The following TMEM38B variants were observed in gnomAD, a reference collection of about 807,000 sequenced individuals.
TMEM38B encodes transmembrane protein 38B, also known as trimeric intracellular cation channel type B.
TMEM38B carries 24 observed loss-of-function variants against 28.7 expected under a neutral mutation model. That is an observed-to-expected ratio of 0.84 (90% CI 0.61 to 1.18). The LOEUF is 1.18. Among genes scored for constraint, TMEM38B ranks in the 50% most tolerant of loss-of-function variants. The pLI is 0.00. For missense variants in TMEM38B, 380 were observed against 350.9 expected (o/e 1.08, Z -0.66); for synonymous variants, 131 against 127.7 (o/e 1.03, Z -0.17).
At position 105,694,630 on chromosome 9, in the gene TMEM38B, GC is replaced by G; in HGVS notation, c.-30del. 6.3e-7 allele frequency: 1 copy of G among 1,589,294 alleles called. No individual in the cohort carries two copies. The highest frequency in any genetic ancestry group is 1.1e-5 in the South Asian group (1 of 90,528). On this transcript the variant is annotated 5_prime_UTR_variant, in exon 1 of 6. Coordinates refer to ENST00000374692, the MANE Select transcript of TMEM38B (RefSeq NM_018112.3). ...CGAGCGCGGGGAACCAGTAGCCGCG[GC>G]TGCTTCGGTTGCCGCGGTCGGTGGT...
intron 5 of TMEM38B, among the ~76,000 whole-genome samples, chr9:105,765,273 T>C (rs1826331620): frequency 1.3e-5 from 2 of 152,204 alleles, no homozygotes; most frequent in South Asian, 4.1e-4. Context: ...TTAATATTTA[T>C]TGACGAAATC....
intron 5 of TMEM38B, among the ~76,000 whole-genome samples, chr9:105,768,604 T>A (rs990546313): frequency 2.6e-5 from 4 of 152,174 alleles, no homozygotes; most frequent in Admixed American, 6.5e-5. Context: ...TATGCAGATT[T>A]TCTATTTTAC....
intron 1 of TMEM38B, among the ~76,000 whole-genome samples, chr9:105,696,241 T>A (rs753822269): frequency 6.6e-6 from 1 of 152,184 alleles, no homozygotes; most frequent in Non-Finnish European, 1.5e-5. Context: ...TCACTAAATG[T>A]TTTTTGTTTT....
At chr9:105,739,153 A>T (rs1044505377) in intron 4 of TMEM38B, among the ~76,000 whole-genome samples, 1 of 152,212 alleles carries the variant, frequency 6.6e-6, no homozygotes, top group Non-Finnish European at 1.5e-5. Flanking sequence ...CTAGAAAATC[A>T]ACTGAGCATA....
At chr9:105,732,628 G>C (rs1257389985) in intron 4 of TMEM38B, among the ~76,000 whole-genome samples, 1 of 150,326 alleles carries the variant, frequency 6.7e-6, no homozygotes, top group African/African-American at 2.5e-5. Context: ...TATATGTGTG[G>C]TGTTATTTCT....
At chr9:105,751,790 A>G (rs1280008728) in intron 5 of TMEM38B, among the ~76,000 whole-genome samples, 1 of 152,200 alleles carries the variant, frequency 6.6e-6, no homozygotes, top group East Asian at 1.9e-4. Flanking sequence ...CAGATGAGGA[A>G]GGGTCCCCCA....
intron 4 of TMEM38B, 63 bp downstream of exon 4, chr9:105,722,684 T>C (rs1836366439): frequency 2.2e-6 from 3 of 1,364,868 alleles, no homozygotes; most frequent in Non-Finnish European, 3.1e-6. Context: ...CAAATTCCTT[T>C]TTAAGAACAT....
chr9:105,760,352 A>G, intron 5 of TMEM38B: 3 of 767,400 alleles, frequency 3.9e-6, no homozygotes, highest in Admixed American at 3.5e-5. Context: ...CTGGATCATC[A>G]TCAGGAAATT....
chr9:105,701,312 G>A (rs1223528337), intron 1 of TMEM38B: 1 of 152,108 alleles, frequency 6.6e-6, no homozygotes, highest in Non-Finnish European at 1.5e-5. Flanking sequence ...TTCAGACCCG[G>A]TCAGTGTAAT....
chr9:105,757,332 TTC>T (rs1837868832), intron 5 of TMEM38B, among the ~76,000 whole-genome samples: 1 of 152,230 alleles, frequency 6.6e-6, no homozygotes, highest in South Asian at 2.1e-4. Flanking sequence ...TTTAGGCTGG[TTC>T]CATATTTTTG....
At chr9:105,703,891 G>A (rs1424551934) in intron 1 of TMEM38B, among the ~76,000 whole-genome samples, 1 of 151,012 alleles carries the variant, frequency 6.6e-6, no homozygotes, top group Non-Finnish European at 1.5e-5. Flanking sequence ...TTTTTGATGG[G>A]GTTGTTTGTT....
chr9:105,763,688 T>C (rs1838152363), intron 5 of TMEM38B, among the ~76,000 whole-genome samples: 1 of 152,100 alleles, frequency 6.6e-6, no homozygotes, highest in Non-Finnish European at 1.5e-5. Flanking sequence ...CTGAAACTAT[T>C]CCAATCAATA....
intron 1 of TMEM38B, among the ~76,000 whole-genome samples, chr9:105,700,683 T>G (rs967562110): frequency 2.6e-5 from 4 of 152,216 alleles, no homozygotes; most frequent in Admixed American, 6.5e-5. Context: ...TTGTCATTGT[T>G]CCTTTCCTGT....
At chr9:105,748,704 C>G (rs1220089660) in intron 5 of TMEM38B, among the ~76,000 whole-genome samples, 2 of 152,112 alleles carry the variant, frequency 1.3e-5, no homozygotes, top group Non-Finnish European at 2.9e-5. Context: ...AATAGGCAAG[C>G]CACTTAATGT....
At chr9:105,701,203 C>A (rs1835450509) in intron 1 of TMEM38B, 1 of 152,150 alleles carries the variant, frequency 6.6e-6, no homozygotes, top group Non-Finnish European at 1.5e-5. Context: ...TTTTCTATCT[C>A]CTGACTGGAC....
In TMEM38B at chr9:105,774,142, C is replaced by A; in HGVS notation, c.*62C>A. The A allele has an allele frequency of 7.5e-7, 1 of 1,338,590 alleles. No individual in the cohort carries two copies. The highest frequency in any genetic ancestry group is 1.0e-6 in the Non-Finnish European group (1 of 964,064). The allele number at this position is 1,338,590 out of a possible 1,614,324, so 82.9% of individuals were successfully genotyped here. A position where few individuals can be genotyped will look rare whatever the true frequency, so the allele number is the denominator to read the frequency against. On this transcript the variant is annotated 3_prime_UTR_variant, in exon 6 of 6. Coordinates refer to ENST00000374692, the MANE Select transcript of TMEM38B (RefSeq NM_018112.3). ...TTTCTTATCTACCTGTTATATTGTG[C>A]TAATTTTTCTATGTATGTGATGTGA...
At chr9:105,763,596 A>C (rs1380393593) in intron 5 of TMEM38B, among the ~76,000 whole-genome samples, 1 of 152,228 alleles carries the variant, frequency 6.6e-6, no homozygotes, top group Non-Finnish European at 1.5e-5. Flanking sequence ...TCAATAGCTT[A>C]CCAACCAAAA....
At chr9:105,762,527 G>A (rs976168219) in intron 5 of TMEM38B, among the ~76,000 whole-genome samples, 16 of 148,080 alleles carry the variant, frequency 1.1e-4, no homozygotes, top group Admixed American at 1.4e-4. Flanking sequence ...TTGTCCTTGC[G>A]ATAGTTTACT....
intron 4 of TMEM38B, among the ~76,000 whole-genome samples, chr9:105,743,031 T>C (rs1243353317): frequency 6.6e-6 from 1 of 152,154 alleles, no homozygotes; most frequent in African/African-American, 2.4e-5. Flanking sequence ...CGCGGATCTG[T>C]TCCTTGCTTC....
Sources: gnomAD v4.1 joint callset for allele counts (sites outside exome capture counted in the v4.1 genomes callset) on GRCh38, gnomAD v4.1.1 for gene constraint, MANE v1.5 for transcripts, NCBI Gene and HGNC (gene_info 2026-07-23, HGNC 2026-07-21) for gene names.